Variants in FHIT observed in about 807,000 individuals in gnomAD.
FHIT encodes the protein fragile histidine triad diadenosine triphosphatase.
FHIT carries 19 observed loss-of-function variants against 17.9 expected under a neutral mutation model. The observed-to-expected ratio is 1.06, with a 90% CI of 0.74 to 1.56. The LOEUF (loss-of-function observed/expected upper bound fraction) is 1.56, where lower values mean the gene tolerates loss of function less well. Among genes scored for constraint, FHIT ranks in the 40% most tolerant of loss-of-function variants. FHIT has a pLI of 0.00. For missense variants in FHIT, 248 were observed against 189.2 expected (o/e 1.31, Z -1.82); for synonymous variants, 81 against 69.7 (o/e 1.16, Z -0.81).
chr3:59,931,080 C>T (rs1705948231), intron 7 of FHIT, among the ~76,000 whole-genome samples: 3 of 152,194 alleles, frequency 2.0e-5, no homozygotes, highest in East Asian at 1.9e-4. Flanking sequence ...ACTTTTATAC[C>T]GATTATGTGA....
chr3:60,401,096 C>A (rs1039119740), intron 5 of FHIT, among the ~76,000 whole-genome samples: 1 of 152,012 alleles, frequency 6.6e-6, no homozygotes, highest in Non-Finnish European at 1.5e-5. Context: ...CCTGGTAGCA[C>A]CTGATTTAAA....
At chr3:60,382,953 AC>A (rs1700867278) in intron 5 of FHIT, among the ~76,000 whole-genome samples, 2 of 152,176 alleles carry the variant, frequency 1.3e-5, no homozygotes. Flanking sequence ...TAATGTCACG[AC>A]TAGCTTGTCA....
rs36036988 is a variant in FHIT, at chr3:59,760,832, AT to A, written c.349-8512del. On this transcript the variant is annotated intron_variant, in intron 8 of 9. Transcript: ENST00000492590. ...ATTGATTGGCCACCATTTAGAGGTA[AT>A]TTTTTTTTTTTTCGAGACAAGGTCT... 3.1e-3 allele frequency among the ~76,000 whole-genome samples: 456 copies of A among 146,110 alleles called. 3 individuals are homozygous for A. Among genetic ancestry groups the A allele is most frequent in the Admixed American group, 6.9e-3 (102 of 14,738 alleles).
chr3:60,827,970 T>C (rs1197786216), intron 3 of FHIT, among the ~76,000 whole-genome samples: 1 of 152,210 alleles, frequency 6.6e-6, no homozygotes, highest in Non-Finnish European at 1.5e-5. Context: ...TTGAGAATGC[T>C]TTAGTAAAAT....
intron 1 of FHIT, among the ~76,000 whole-genome samples, chr3:61,203,716 T>A (rs1055377408): frequency 7.9e-5 from 12 of 152,200 alleles, no homozygotes; most frequent in African/African-American, 2.9e-4. Flanking sequence ...TTTATCACAA[T>A]CATATGGAAT....
intron 5 of FHIT, among the ~76,000 whole-genome samples, chr3:60,152,480 T>G (rs1700509941): frequency 6.6e-6 from 1 of 152,158 alleles, no homozygotes. Context: ...GAGATCAGGG[T>G]ATGAATACCT....
intron 5 of FHIT, among the ~76,000 whole-genome samples, chr3:60,163,205 C>A (rs1701015388): frequency 6.6e-6 from 1 of 152,136 alleles, no homozygotes; most frequent in African/African-American, 2.4e-5. Flanking sequence ...TCCAAACTCA[C>A]CCAGGTCCTA....
chr3:59,802,536 AC>A (rs1320865913), intron 8 of FHIT, among the ~76,000 whole-genome samples: 2 of 151,508 alleles, frequency 1.3e-5, no homozygotes, highest in Non-Finnish European at 2.9e-5. Flanking sequence ...GCACCTTGTG[AC>A]CCCCGCCCCT....
At chr3:59,752,552 T>C (rs935119293) in intron 8 of FHIT, among the ~76,000 whole-genome samples, 1 of 151,690 alleles carries the variant, frequency 6.6e-6, no homozygotes, top group Non-Finnish European at 1.5e-5. Flanking sequence ...CTGAGGGGGG[T>C]GATGATATGA....
chr3:61,012,085 A>G (rs2031821928), intron 3 of FHIT, among the ~76,000 whole-genome samples: 1 of 152,192 alleles, frequency 6.6e-6, no homozygotes, highest in South Asian at 2.1e-4. Context: ...GAAATACACT[A>G]CTCAAAGAAT....
intron 8 of FHIT, among the ~76,000 whole-genome samples, chr3:59,807,823 G>A (rs74388535): frequency 0.025 from 3,853 of 152,244 alleles, 75 homozygotes; most frequent in Non-Finnish European, 0.038. Flanking sequence ...TTAACAACGT[G>A]GGCCGTGGAA....
chr3:60,442,200 G>A (rs949874065), intron 5 of FHIT, among the ~76,000 whole-genome samples: 1 of 151,884 alleles, frequency 6.6e-6, no homozygotes, highest in African/African-American at 2.4e-5. Context: ...TTTTTGAAAA[G>A]AGATGTGATT....
rs1051378218 is a variant in FHIT, at chr3:60,234,712, T to C, written c.104-220560A>G. ...AGATTTTCCCATTGACCTATAGGGC[T>C]GTGAAGAAGAGATAGCTCTTCTTAA... On this transcript the variant is annotated intron_variant, in intron 5 of 9. Transcript: ENST00000492590. Among the ~76,000 whole-genome samples the C allele has an allele frequency of 1.1e-4, 17 of 152,312 alleles. No individual in the cohort carries two copies. In the East Asian group the frequency reaches 3.3e-3, roughly 29 times the overall value.
chr3:60,070,654 T>C (rs1431614883), intron 5 of FHIT, among the ~76,000 whole-genome samples: 1 of 151,070 alleles, frequency 6.6e-6, no homozygotes, highest in Non-Finnish European at 1.5e-5. Flanking sequence ...TGCTCAGCTA[T>C]GTTTAGAGGT....
chr3:59,811,180 A>G (rs1700393904), intron 8 of FHIT, among the ~76,000 whole-genome samples: 1 of 152,224 alleles, frequency 6.6e-6, no homozygotes, highest in Non-Finnish European at 1.5e-5. Context: ...TCACCCTCTC[A>G]TAACACATCT....
At chr3:60,506,926 A>T (rs1379709643) in intron 5 of FHIT, among the ~76,000 whole-genome samples, 1 of 152,184 alleles carries the variant, frequency 6.6e-6, no homozygotes, top group African/African-American at 2.4e-5. Context: ...CTAAGTCTTA[A>T]TTACTTCATT....
chr3:60,914,527 G>A (rs1484401958), intron 3 of FHIT, among the ~76,000 whole-genome samples: 4 of 151,672 alleles, frequency 2.6e-5, no homozygotes, highest in Admixed American at 2.6e-4. Context: ...AAAAAAAAAG[G>A]TCCAATGAAA....
intron 2 of FHIT, among the ~76,000 whole-genome samples, chr3:61,079,136 C>A (rs1056090484): frequency 1.3e-5 from 2 of 152,120 alleles, no homozygotes; most frequent in Non-Finnish European, 2.9e-5. Context: ...ATAATTTATC[C>A]TTGTGACATG....
At chr3:60,410,586 G>A (rs1284007605) in intron 5 of FHIT, among the ~76,000 whole-genome samples, 1 of 151,972 alleles carries the variant, frequency 6.6e-6, no homozygotes, top group East Asian at 1.9e-4. Flanking sequence ...AACACCTCCT[G>A]GGTGACTACT....
Sources: gnomAD v4.1 joint callset for allele counts (sites outside exome capture counted in the v4.1 genomes callset) on GRCh38, gnomAD v4.1.1 for gene constraint, MANE v1.5 for transcripts, NCBI Gene and HGNC (gene_info 2026-07-23, HGNC 2026-07-21) for gene names.